Variants in MPHOSPH6 observed in about 807,000 individuals in gnomAD.
MPHOSPH6 encodes M-phase phosphoprotein 6.
In MPHOSPH6, 25 loss-of-function variants were observed where a neutral mutation model predicts 21.8. The observed-to-expected ratio is 1.15, with a 90% CI of 0.83 to 1.60. The LOEUF (loss-of-function observed/expected upper bound fraction) is 1.60, where lower values mean the gene tolerates loss of function less well. Ranked by LOEUF, MPHOSPH6 falls within the 40% of genes most tolerant of loss-of-function variation. The probability of loss-of-function intolerance (pLI) is 0.00; values close to 1 mark genes in which losing one functional copy is unlikely to be tolerated. For missense variants in MPHOSPH6, 269 were observed against 181.8 expected, an observed-to-expected ratio of 1.48 and a Z score of -2.76; for synonymous variants, 84 against 56.5, an observed-to-expected ratio of 1.49 and a Z score of -2.18.
chr16:82,166,654 T>C (rs529209093), intron 1 of MPHOSPH6, among the ~76,000 whole-genome samples: 1 of 134,136 alleles, frequency 7.5e-6, no homozygotes, highest in Non-Finnish European at 1.6e-5. Context: ...GCTCACTCAG[T>C]GAAAGTTCTC....
chr16:82,169,025 G>C (rs569805205), intron 1 of MPHOSPH6, among the ~76,000 whole-genome samples: 3 of 152,314 alleles, frequency 2.0e-5, no homozygotes, highest in African/African-American at 4.8e-5. Context: ...TGTAAGAAGA[G>C]AGTTACTGCC....
At chr16:82,163,002 CT>C (rs934579525) in intron 2 of MPHOSPH6, among the ~76,000 whole-genome samples, 2 of 152,204 alleles carry the variant, frequency 1.3e-5, no homozygotes, top group Non-Finnish European at 2.9e-5. Context: ...GACCCTGCCC[CT>C]GGCACTATCT....
intron 3 of MPHOSPH6, among the ~76,000 whole-genome samples, chr16:82,150,374 CTTAA>C (rs1397931585): frequency 2.0e-5 from 3 of 152,124 alleles, no homozygotes; most frequent in African/African-American, 4.8e-5. Context: ...CAATCTGAAG[CTTAA>C]TTAAAGAAAG....
intron 1 of MPHOSPH6, among the ~76,000 whole-genome samples, chr16:82,169,739 C>T (rs534602466): frequency 6.6e-6 from 1 of 152,092 alleles, no homozygotes. Context: ...GTGAATTTAC[C>T]TAAATTACCC....
chr16:82,159,706 T>C (rs1356217462), intron 2 of MPHOSPH6, among the ~76,000 whole-genome samples: 1 of 152,126 alleles, frequency 6.6e-6, no homozygotes, highest in East Asian at 1.9e-4. Flanking sequence ...GTGCCCGGCC[T>C]AGGAGTTCTA....
At chr16:82,156,143 A>G (rs1906421839) in intron 2 of MPHOSPH6, among the ~76,000 whole-genome samples, 2 of 152,100 alleles carry the variant, frequency 1.3e-5, no homozygotes, top group Non-Finnish European at 1.5e-5. Flanking sequence ...TAAAATAGAA[A>G]CTCATCAAAA....
At chr16:82,159,517 G>A (rs142848653) in intron 2 of MPHOSPH6, among the ~76,000 whole-genome samples, 1,756 of 152,088 alleles carry the variant, frequency 0.012, 37 homozygotes, top group African/African-American at 0.041. Flanking sequence ...TGATTCTCCT[G>A]CCTCAGCCTC....
intron 1 of MPHOSPH6, 131 bp from the exon 2 acceptor site, chr16:82,164,325 G>A (rs907557309): frequency 1.6e-6 from 1 of 645,064 alleles, no homozygotes; most frequent in Non-Finnish European, 2.7e-6. Context: ...TGAGGGTTGG[G>A]GCAAGTGATC....
chr16:82,161,264 G>C (rs767169113), intron 2 of MPHOSPH6, among the ~76,000 whole-genome samples: 1 of 152,168 alleles, frequency 6.6e-6, no homozygotes, highest in Non-Finnish European at 1.5e-5. Flanking sequence ...TGGAAGGAAA[G>C]GCTATTGTCC....
intron 2 of MPHOSPH6, among the ~76,000 whole-genome samples, chr16:82,159,335 A>G (rs1326907198): frequency 6.6e-6 from 1 of 152,232 alleles, no homozygotes. Context: ...TTATTTAAAT[A>G]ATTTTTAAAA....
intron 2 of MPHOSPH6, among the ~76,000 whole-genome samples, chr16:82,152,121 A>G (rs1263958944): frequency 2.6e-5 from 4 of 152,228 alleles, no homozygotes; most frequent in Non-Finnish European, 5.9e-5. Context: ...GTATATTTGA[A>G]TATTTCCTTC....
chr16:82,169,929 G>A (rs745780617), intron 1 of MPHOSPH6, among the ~76,000 whole-genome samples, 196 bp downstream of exon 1: 1 of 152,142 alleles, frequency 6.6e-6, no homozygotes, highest in South Asian at 2.1e-4. Context: ...GGCCTCCTGA[G>A]AGAGTCGGCC....
At chr16:82,158,730 C>A (rs137856804) in intron 2 of MPHOSPH6, among the ~76,000 whole-genome samples, 1 of 152,150 alleles carries the variant, frequency 6.6e-6, no homozygotes. Context: ...AAAATTCAAG[C>A]TTTCAAGCAA....
At chr16:82,151,238 C>T (rs1906254387) in intron 3 of MPHOSPH6, 186 bp downstream of exon 3, 1 of 727,250 alleles carries the variant, frequency 1.4e-6, no homozygotes, top group South Asian at 1.8e-5. Flanking sequence ...ATCTACTCAC[C>T]TCTACCATAA....
intron 3 of MPHOSPH6, among the ~76,000 whole-genome samples, chr16:82,150,192 C>A (rs1204598246): frequency 6.6e-6 from 1 of 152,014 alleles, no homozygotes; most frequent in Non-Finnish European, 1.5e-5. Flanking sequence ...TTTTCTAACA[C>A]CCGTCCCTGC....
chr16:82,148,999 T>C (rs1906177345), intron 4 of MPHOSPH6, 136 bp from the exon 5 acceptor site: 3 of 1,172,404 alleles, frequency 2.6e-6, no homozygotes, highest in Non-Finnish European at 3.6e-6. Flanking sequence ...AACCATCTGA[T>C]TTAACAATTT....
At chr16:82,152,044 G>C (rs1165086744) in intron 2 of MPHOSPH6, among the ~76,000 whole-genome samples, 1 of 152,164 alleles carries the variant, frequency 6.6e-6, no homozygotes, top group African/African-American at 2.4e-5. Context: ...AATTTGGAAA[G>C]CAGAATAAAG....
chr16:82,168,658 G>C (rs1176935040), intron 1 of MPHOSPH6, among the ~76,000 whole-genome samples: 1 of 152,132 alleles, frequency 6.6e-6, no homozygotes, highest in African/African-American at 2.4e-5. Flanking sequence ...TTTTTGTAGA[G>C]ATGGGGTTTC....
At chr16:82,149,064 CTAAA>C (rs770635626) in intron 4 of MPHOSPH6, among the ~76,000 whole-genome samples, 6 of 152,198 alleles carry the variant, frequency 3.9e-5, no homozygotes, top group East Asian at 1.9e-4. Flanking sequence ...TTGCATTACC[CTAAA>C]TAAATAGAGA....
Sources: gnomAD v4.1 joint callset for allele counts (sites outside exome capture counted in the v4.1 genomes callset) on GRCh38, gnomAD v4.1.1 for gene constraint, MANE v1.5 for transcripts, NCBI Gene and HGNC (gene_info 2026-07-23, HGNC 2026-07-21) for gene names.